Variants in PKP4 observed in about 807,000 individuals in gnomAD.
PKP4 encodes the protein plakophilin-4.
A neutral mutation model predicts 145.1 loss-of-function variants in PKP4; 90 were observed. The observed-to-expected ratio is 0.62, with a 90% confidence interval of 0.52 to 0.74. PKP4 has a LOEUF of 0.74. Among genes scored for constraint, PKP4 ranks in the 30% least tolerant of loss-of-function variants. The pLI, the probability that PKP4 is intolerant of heterozygous loss-of-function variation, is 0.00. For synonymous variants in PKP4, 563 were observed against 577.2 expected (o/e 0.98, Z 0.35); for missense variants, 1,340 against 1,482.7 (o/e 0.90, Z 1.58).
At chr2:158,469,467 C>T (rs1691213727) in intron 1 of PKP4, among the ~76,000 whole-genome samples, 1 of 152,124 alleles carries the variant, frequency 6.6e-6, no homozygotes, top group South Asian at 2.1e-4. Context: ...GTACATACCT[C>T]TGCCAGAGAA....
chr2:158,536,920 T>C (rs1295620329), intron 2 of PKP4, among the ~76,000 whole-genome samples: 2 of 152,210 alleles, frequency 1.3e-5, no homozygotes, highest in Non-Finnish European at 2.9e-5. Flanking sequence ...TATGCTTCTT[T>C]GGATTTATAT....
chr2:158,491,389 G>A (rs1190854792), intron 1 of PKP4, among the ~76,000 whole-genome samples: 4 of 152,072 alleles, frequency 2.6e-5, no homozygotes, highest in Non-Finnish European at 5.9e-5. Context: ...CCAACACTTA[G>A]CGTGGTTCAG....
At chr2:158,586,326 C>T (rs2048802750) in intron 3 of PKP4, among the ~76,000 whole-genome samples, 2 of 152,188 alleles carry the variant, frequency 1.3e-5, no homozygotes, top group Admixed American at 1.3e-4. Context: ...CCTGTCCACC[C>T]ATCCTCCCAG....
At chr2:158,645,853 G>T (rs947246430) in intron 11 of PKP4, among the ~76,000 whole-genome samples, 1 of 152,160 alleles carries the variant, frequency 6.6e-6, no homozygotes, top group African/African-American at 2.4e-5. Context: ...ACATGATTGT[G>T]TGCTCTTTTT....
intron 4 of PKP4, among the ~76,000 whole-genome samples, chr2:158,604,216 C>T (rs1391410171): frequency 1.3e-5 from 2 of 152,096 alleles, no homozygotes; most frequent in African/African-American, 2.4e-5. Flanking sequence ...GCTTGATGGG[C>T]GGCTCTGGAG....
chr2:158,570,410 T>C (rs1443052154), intron 2 of PKP4, among the ~76,000 whole-genome samples: 1 of 152,232 alleles, frequency 6.6e-6, no homozygotes, highest in Non-Finnish European at 1.5e-5. Flanking sequence ...GAACAGGACA[T>C]AAACCTGCCC....
intron 1 of PKP4, among the ~76,000 whole-genome samples, chr2:158,491,889 A>G (rs1304447014): frequency 1.4e-5 from 2 of 143,816 alleles, no homozygotes; most frequent in Non-Finnish European, 3.2e-5. Context: ...TCGACCTCCC[A>G]GGCTCAAGCA....
chr2:158,588,858 A>G (rs147448012), intron 3 of PKP4: 2 of 152,112 alleles, frequency 1.3e-5, no homozygotes, highest in African/African-American at 4.8e-5. Flanking sequence ...AAATTCATTC[A>G]CTAAATACTT....
At chr2:158,627,627 AT>A (rs1047395051) in intron 7 of PKP4, among the ~76,000 whole-genome samples, 1 of 147,952 alleles carries the variant, frequency 6.8e-6, no homozygotes, top group African/African-American at 2.5e-5. Context: ...GATGATCATA[AT>A]TTAAATGATA....
chr2:158,639,183 G>C (rs1264959651), intron 9 of PKP4, among the ~76,000 whole-genome samples: 1 of 152,202 alleles, frequency 6.6e-6, no homozygotes, highest in African/African-American at 2.4e-5. Context: ...ACTCAATAAA[G>C]GATAACTCCT....
intron 3 of PKP4, among the ~76,000 whole-genome samples, chr2:158,592,663 C>T (rs1488321886): frequency 6.6e-6 from 1 of 152,046 alleles, no homozygotes; most frequent in Non-Finnish European, 1.5e-5. Context: ...GAATATCATT[C>T]TTTAGACACA....
At chr2:158,620,530 C>CAT (rs1574821865) in intron 4 of PKP4, among the ~76,000 whole-genome samples, 1 of 152,264 alleles carries the variant, frequency 6.6e-6, no homozygotes. Flanking sequence ...CTGTAAGTGA[C>CAT]ATGAAATATA....
intron 1 of PKP4, among the ~76,000 whole-genome samples, chr2:158,466,861 A>G (rs1158260815): frequency 6.6e-6 from 1 of 152,240 alleles, no homozygotes; most frequent in African/African-American, 2.4e-5. Context: ...CTAAGCTTTG[A>G]AAGTGTGATA....
chr2:158,632,052 G>A (rs2053415153), intron 8 of PKP4, 111 bp downstream of exon 8: 3 of 925,958 alleles, frequency 3.2e-6, no homozygotes, highest in African/African-American at 3.3e-5. Context: ...CCATTTGGTT[G>A]TCAGATAAGC....
chr2:158,626,979 A>T (rs1043449423), intron 7 of PKP4, among the ~76,000 whole-genome samples: 1 of 152,140 alleles, frequency 6.6e-6, no homozygotes, highest in Non-Finnish European at 1.5e-5. Context: ...ACATAGTAAA[A>T]TTAGTATCTT....
chr2:158,615,621 C>A (rs1313478553), intron 4 of PKP4, among the ~76,000 whole-genome samples: 1 of 151,838 alleles, frequency 6.6e-6, no homozygotes, highest in East Asian at 1.9e-4. Flanking sequence ...GTTTTATATT[C>A]TTGGACAGAA....
At chr2:158,640,293 T>C (rs371076673) in intron 9 of PKP4, among the ~76,000 whole-genome samples, 39 of 152,350 alleles carry the variant, frequency 2.6e-4, no homozygotes, top group African/African-American at 9.4e-4. Flanking sequence ...ACCTGAGCCT[T>C]GCACCTGCAG....
chr2:158,518,496 C>A (rs1258749913), intron 1 of PKP4, among the ~76,000 whole-genome samples: 1 of 152,158 alleles, frequency 6.6e-6, no homozygotes, highest in South Asian at 2.1e-4. Context: ...ATTTCTTCCC[C>A]CTGAGATAAA....
At chr2:158,479,122 A>C (rs1476455060) in intron 1 of PKP4, among the ~76,000 whole-genome samples, 2 of 152,162 alleles carry the variant, frequency 1.3e-5, no homozygotes, top group African/African-American at 4.8e-5. Flanking sequence ...GAGTTACCTA[A>C]GTAGTATTGT....
Sources: gnomAD v4.1 joint callset for allele counts (sites outside exome capture counted in the v4.1 genomes callset) on GRCh38, gnomAD v4.1.1 for gene constraint, MANE v1.5 for transcripts, NCBI Gene and HGNC (gene_info 2026-07-23, HGNC 2026-07-21) for gene names.